SDCCAG8: variants seen among roughly 807,000 people sequenced by gnomAD.
SDCCAG8 encodes serologically defined colon cancer antigen 8.
In SDCCAG8, 74 loss-of-function variants were observed where a neutral mutation model predicts 101.8. The ratio of observed to expected loss-of-function variants is 0.73; its 90% CI spans 0.60 to 0.88. The LOEUF (loss-of-function observed/expected upper bound fraction) is 0.88, where lower values mean the gene tolerates loss of function less well. Ranked by LOEUF, SDCCAG8 falls within the 40% of genes least tolerant of loss-of-function variation. The probability of loss-of-function intolerance (pLI) is 0.00; values close to 1 mark genes in which losing one functional copy is unlikely to be tolerated. For synonymous variants in SDCCAG8, 281 were observed against 292.9 expected (o/e 0.96, Z 0.41); for missense variants, 787 against 822.6 (o/e 0.96, Z 0.53).
chr1:243,358,079 A>G (rs1375752198), intron 12 of SDCCAG8, among the ~76,000 whole-genome samples: 1 of 152,186 alleles, frequency 6.6e-6, no homozygotes, highest in Admixed American at 6.5e-5. Flanking sequence ...AACAATAGAA[A>G]AAAAATAGAT....
At chr1:243,267,584 A>G in intron 1 of SDCCAG8, 2 of 514,310 alleles carry the variant, frequency 3.9e-6, no homozygotes, top group East Asian at 8.0e-5. Context: ...CCTGGGCGAC[A>G]AGAGCCAAAC....
chr1:243,303,715 ATAT>A (rs2071781933), intron 6 of SDCCAG8, among the ~76,000 whole-genome samples: 1 of 152,174 alleles, frequency 6.6e-6, no homozygotes, highest in East Asian at 1.9e-4. Flanking sequence ...TTAATTGTTT[ATAT>A]TATTGTTAAG....
chr1:243,407,633 GAA>G (rs1240628360), intron 13 of SDCCAG8, among the ~76,000 whole-genome samples: 2 of 152,104 alleles, frequency 1.3e-5, no homozygotes, highest in African/African-American at 2.4e-5. Context: ...TTTTTGGAGG[GAA>G]AATTATTTTT....
chr1:243,394,949 A>G (rs1032786543), intron 13 of SDCCAG8, among the ~76,000 whole-genome samples: 2 of 152,150 alleles, frequency 1.3e-5, no homozygotes, highest in Non-Finnish European at 2.9e-5. Context: ...AAGATAAGCA[A>G]TGACGCATTA....
Position 243,256,084 on chromosome 1 carries a change from C to T in SDCCAG8, c.-90C>T. On this transcript the variant is annotated 5_prime_UTR_variant, in exon 1 of 18. Transcript: ENST00000366541. ...ACAGCCGCGGCAGGAAGCAGGCGGG[C>T]GCTCCCCGGCCACAGGCCTGTTGTT... The T allele has an allele frequency of 4.0e-6, 5 of 1,240,736 alleles. No individual in the cohort carries two copies. The highest frequency in any genetic ancestry group is 2.4e-6 in the Non-Finnish European group (2 of 840,172). 76.9% of individuals were successfully genotyped at this position (1,240,736 alleles called of 1,614,324 possible).
chr1:243,330,783 A>G (rs988391464), intron 10 of SDCCAG8, 91 bp downstream of exon 10: 27 of 1,302,072 alleles, frequency 2.1e-5, no homozygotes, highest in Non-Finnish European at 2.1e-5. Context: ...TCTTGAATGA[A>G]CTTTAAATTT....
intron 5 of SDCCAG8, among the ~76,000 whole-genome samples, chr1:243,286,712 C>CT (rs1458286912): frequency 6.6e-6 from 1 of 152,196 alleles, no homozygotes; most frequent in African/African-American, 2.4e-5. Context: ...CCGTTCAGAA[C>CT]TTTAACTTAG....
intron 1 of SDCCAG8, chr1:243,267,627 G>A: frequency 3.0e-6 from 2 of 668,988 alleles, no homozygotes; most frequent in Non-Finnish European, 5.4e-6. Context: ...AAAAGTCCCG[G>A]TCAACTGTGG....
Position 243,256,225 on chromosome 1 carries a change from C to A in SDCCAG8, c.52C>A (p.Gln18Lys). 6.2e-7 allele frequency: 1 copy of A among 1,614,178 alleles called. No individual in the cohort carries two copies. Among genetic ancestry groups the A allele is most frequent in the Non-Finnish European group, 8.5e-7 (1 of 1,179,982 alleles). ...CCTGGAGGAGATTCTGGGGCAGTAT[C>A]AACGGAGTCTCCGGGGTGAGTTGCT... is the stretch of plus-strand genomic sequence containing the variant. ...STLEEILGQY[Q>K]RSLREHASRS... The change falls in exon 1 of 18, where the codon CAA becomes AAA. Residue 18 changes from glutamine to lysine, a missense_variant. Physicochemically the swap from Gln to Lys is moderately conservative, Grantham distance 53 (BLOSUM62 1). Transcript: ENST00000366541.
intron 7 of SDCCAG8, 165 bp from the exon 8 acceptor site, chr1:243,307,824 C>A: frequency 1.3e-5 from 19 of 1,467,206 alleles, no homozygotes; most frequent in South Asian, 5.7e-5. Context: ...AATCACCACA[C>A]CAAAGTTTCA....
chr1:243,272,085 G>T (rs2068137637), intron 3 of SDCCAG8, among the ~76,000 whole-genome samples: 1 of 152,104 alleles, frequency 6.6e-6, no homozygotes, highest in Non-Finnish European at 1.5e-5. Context: ...TCTATCTAGG[G>T]TCTATCACAT....
chr1:243,372,248 C>T (rs2077333930), intron 12 of SDCCAG8, among the ~76,000 whole-genome samples: 1 of 152,054 alleles, frequency 6.6e-6, no homozygotes, highest in Non-Finnish European at 1.5e-5. Context: ...CCACCAGTTC[C>T]TTCTTTTAAC....
chr1:243,267,558 C>T (rs1487235592), intron 1 of SDCCAG8: 8 of 450,118 alleles, frequency 1.8e-5, no homozygotes, highest in South Asian at 2.1e-5. Context: ...GCCGAGATTG[C>T]GCCATCGCAC....
At chr1:243,389,336 G>T (rs1053361368) in intron 13 of SDCCAG8, among the ~76,000 whole-genome samples, 1 of 152,076 alleles carries the variant, frequency 6.6e-6, no homozygotes, top group African/African-American at 2.4e-5. Context: ...CAACAACAGG[G>T]TCTCTTTGTT....
chr1:243,304,860 T>A, intron 7 of SDCCAG8, 83 bp downstream of exon 7: 1 of 873,874 alleles, frequency 1.1e-6, no homozygotes, highest in Non-Finnish European at 1.9e-6. Context: ...AACTTCTAGT[T>A]TTAGTCATTA....
chr1:243,382,510 T>G (rs2078021473), intron 13 of SDCCAG8, among the ~76,000 whole-genome samples: 1 of 152,212 alleles, frequency 6.6e-6, no homozygotes. Flanking sequence ...TATCCTTCAT[T>G]TATTATGTAT....
chr1:243,499,576 G>A, intron 17 of SDCCAG8, 180 bp from the exon 18 acceptor site: 1 of 646,794 alleles, frequency 1.5e-6, no homozygotes, highest in Admixed American at 2.4e-5. Flanking sequence ...CATATGTGAA[G>A]GGCTTTGATG....
chr1:243,409,300 A>C (rs1213732395), intron 13 of SDCCAG8, among the ~76,000 whole-genome samples: 4 of 152,184 alleles, frequency 2.6e-5, no homozygotes, highest in Non-Finnish European at 5.9e-5. Context: ...TATGGAAAAA[A>C]GGGAGACAAG....
intron 5 of SDCCAG8, among the ~76,000 whole-genome samples, chr1:243,286,923 T>C (rs1160893277): frequency 6.6e-6 from 1 of 152,228 alleles, no homozygotes; most frequent in African/African-American, 2.4e-5. Flanking sequence ...CCTTTATTTC[T>C]TTATTGGTAA....
Sources: gnomAD v4.1 joint callset for allele counts (sites outside exome capture counted in the v4.1 genomes callset) on GRCh38, gnomAD v4.1.1 for gene constraint, MANE v1.5 for transcripts, NCBI Gene and HGNC (gene_info 2026-07-23, HGNC 2026-07-21) for gene names.